CSMD3: variants seen among roughly 807,000 people sequenced by gnomAD.
The protein encoded by CSMD3 is CUB and Sushi multiple domains 3, also known as CUB and sushi domain-containing protein 3.
In CSMD3, 177 loss-of-function variants were observed where a neutral mutation model predicts 435.2. The ratio of observed to expected loss-of-function variants is 0.41; its 90% CI spans 0.36 to 0.46. The LOEUF (loss-of-function observed/expected upper bound fraction) is 0.46. Ranked by LOEUF, CSMD3 falls within the 20% of genes least tolerant of loss-of-function variation. The probability of loss-of-function intolerance (pLI) is 0.34; values close to 1 mark genes in which losing one functional copy is unlikely to be tolerated. For missense variants in CSMD3, 4,265 were observed against 4,504.6 expected (o/e 0.95, Z 1.52); for synonymous variants, 1,656 against 1,520.5 (o/e 1.09, Z -2.07).
At chr8:112,627,533 C>T (rs1834582437) in intron 22 of CSMD3, among the ~76,000 whole-genome samples, 1 of 152,182 alleles carries the variant, frequency 6.6e-6, no homozygotes, top group South Asian at 2.1e-4. Flanking sequence ...TGTGTCCTCT[C>T]TGCAATCCCC....
chr8:112,826,555 C>T (rs772848771), intron 12 of CSMD3, among the ~76,000 whole-genome samples: 1 of 152,168 alleles, frequency 6.6e-6, no homozygotes, highest in Non-Finnish European at 1.5e-5. Flanking sequence ...CACCACCTCC[C>T]TTGGCTATGG....
chr8:112,567,392 A>T (rs1178103263), intron 24 of CSMD3, among the ~76,000 whole-genome samples: 1 of 151,998 alleles, frequency 6.6e-6, no homozygotes, highest in African/African-American at 2.4e-5. Context: ...TTTGTTCATA[A>T]CTTTCTTTTA....
intron 4 of CSMD3, among the ~76,000 whole-genome samples, chr8:113,156,886 C>T (rs934817724): frequency 3.3e-5 from 5 of 151,438 alleles, no homozygotes; most frequent in Admixed American, 6.6e-5. Flanking sequence ...GAGCCTTTAT[C>T]GGGCCACTTC....
At chr8:112,510,337 A>ACAGT (rs527921192) in intron 28 of CSMD3, among the ~76,000 whole-genome samples, 1 of 152,174 alleles carries the variant, frequency 6.6e-6, no homozygotes, top group South Asian at 2.1e-4. Flanking sequence ...TCTGACCCAT[A>ACAGT]CAGTCTTTCC....
intron 59 of CSMD3, among the ~76,000 whole-genome samples, chr8:112,266,457 A>G (rs1157016028): frequency 2.0e-5 from 3 of 152,216 alleles, no homozygotes; most frequent in African/African-American, 7.2e-5. Context: ...CAGAAGCTCC[A>G]AGCCCTCAGA....
At chr8:113,410,408 ATCTTT>A (rs1165617780) in intron 1 of CSMD3, among the ~76,000 whole-genome samples, 12 of 152,136 alleles carry the variant, frequency 7.9e-5, no homozygotes, top group Non-Finnish European at 1.8e-4. Context: ...AAATCCAATA[ATCTTT>A]TCTAAGTCCT....
chr8:113,006,731 C>T (rs79840366), intron 6 of CSMD3, among the ~76,000 whole-genome samples: 2 of 151,766 alleles, frequency 1.3e-5, no homozygotes, highest in Non-Finnish European at 2.9e-5. Context: ...CATTTGGGGT[C>T]TATCCAACCA....
intron 12 of CSMD3, among the ~76,000 whole-genome samples, chr8:112,812,001 T>C (rs1478614182): frequency 6.6e-6 from 1 of 152,104 alleles, no homozygotes; most frequent in Non-Finnish European, 1.5e-5. Context: ...AATGAGTCTT[T>C]AAATAGCTGT....
At chr8:113,228,001 G>C (rs1254362774) in intron 3 of CSMD3, among the ~76,000 whole-genome samples, 1 of 151,444 alleles carries the variant, frequency 6.6e-6, no homozygotes, top group Admixed American at 6.6e-5. Context: ...TGTGTTCTTA[G>C]GTCATTTTTT....
Position 112,346,075 on chromosome 8 carries a change from C to T in CSMD3, c.6442+22G>A, listed in dbSNP as rs770771295. On this transcript the variant is annotated intron_variant, in intron 41 of 70. Coordinates refer to ENST00000297405, the MANE Select transcript of CSMD3 (RefSeq NM_198123.2). ...CATTAATAAATATTGAAAGCTCTTT[C>T]ACGTGTTTTTAATACACATACCAAA... is the stretch of plus-strand genomic sequence containing the variant. The T allele has an allele frequency of 5.1e-6, 6 of 1,169,582 alleles. No homozygotes were observed. In the East Asian group the frequency reaches 1.4e-4, roughly 27 times the overall value. The allele number at this position is 1,169,582 out of a possible 1,614,324, so 72.5% of individuals were successfully genotyped here.
intron 1 of CSMD3, among the ~76,000 whole-genome samples, chr8:113,394,192 A>AC (rs397964767): frequency 2.7e-5 from 4 of 150,876 alleles, no homozygotes; most frequent in Non-Finnish European, 1.5e-5. Context: ...ACACACACAC[A>AC]AGGGGTTTAA....
At chr8:112,357,228 G>A (rs1328106853) in intron 38 of CSMD3, among the ~76,000 whole-genome samples, 5 of 152,128 alleles carry the variant, frequency 3.3e-5, no homozygotes, top group African/African-American at 1.2e-4. Flanking sequence ...TTATGTTTTA[G>A]CAAAGAGACT....
intron 13 of CSMD3, among the ~76,000 whole-genome samples, chr8:112,731,279 C>T (rs568752689): frequency 2.6e-5 from 4 of 152,206 alleles, no homozygotes; most frequent in African/African-American, 9.6e-5. Flanking sequence ...ACTACGTCCA[C>T]AAGTGATAGT....
At chr8:112,817,419 G>A (rs1017473738) in intron 12 of CSMD3, among the ~76,000 whole-genome samples, 3 of 146,532 alleles carry the variant, frequency 2.0e-5, no homozygotes, top group African/African-American at 5.1e-5. Context: ...ATACGTAAGT[G>A]TAAAAATAGC....
intron 1 of CSMD3, among the ~76,000 whole-genome samples, chr8:113,409,195 G>T (rs1220700344): frequency 1.4e-5 from 2 of 143,564 alleles, no homozygotes; most frequent in African/African-American, 5.1e-5. Flanking sequence ...CAATTCTCTT[G>T]CCTCAGCTTC....
chr8:112,714,591 G>T (rs550300719), intron 13 of CSMD3, among the ~76,000 whole-genome samples: 60 of 152,248 alleles, frequency 3.9e-4, no homozygotes, highest in African/African-American at 1.3e-3. Context: ...AACATCTACA[G>T]AACTCTCCAC....
chr8:113,174,535 T>C (rs2131895194), intron 3 of CSMD3, among the ~76,000 whole-genome samples: 1 of 152,110 alleles, frequency 6.6e-6, no homozygotes, highest in South Asian at 2.1e-4. Context: ...AGGCAAAATA[T>C]ATGGAAAATG....
intron 11 of CSMD3, among the ~76,000 whole-genome samples, chr8:112,851,532 G>A (rs946982815): frequency 1.8e-4 from 27 of 152,228 alleles, no homozygotes; most frequent in East Asian, 1.4e-3. Flanking sequence ...TTAGGAGGCC[G>A]AGGCGGGCAG....
rs760299458 is a variant in CSMD3 at position 112,636,813 on chromosome 8, G to C, written c.3715+4C>G. 6.2e-7 allele frequency: 1 copy of C among 1,611,756 alleles called. No individual in the cohort carries two copies. Among genetic ancestry groups the C allele is most frequent in the Non-Finnish European group, 8.5e-7 (1 of 1,178,414 alleles). ...CAAGCAAATGAAAGCAGCTGACCAC[G>C]TACCCACACACCTTGGCAGAGGTGC... On this transcript the variant is annotated splice_donor_region_variant and intron_variant, in intron 22 of 70. Transcript: ENST00000297405.
Sources: allele counts gnomAD v4.1 joint callset (sites outside exome capture counted in the v4.1 genomes callset), GRCh38; gene constraint gnomAD v4.1.1; transcripts MANE v1.5; gene names NCBI Gene and HGNC (gene_info 2026-07-23, HGNC 2026-07-21).